Variants in TENM1 observed in about 807,000 individuals in gnomAD.
The protein encoded by TENM1 is teneurin transmembrane protein 1.
Under a neutral mutation model 174.8 loss-of-function variants are expected in TENM1, and 35 were observed. The observed-to-expected ratio is 0.20, with a 90% confidence interval of 0.15 to 0.27. The LOEUF (loss-of-function observed/expected upper bound fraction) is 0.27. Among genes scored for constraint, TENM1 ranks in the 10% least tolerant of loss-of-function variants. The pLI is 1.00. For missense variants in TENM1, 1,633 were observed against 2,130.1 expected (o/e 0.77, Z 4.59); for synonymous variants, 781 against 798.7 (o/e 0.98, Z 0.37).
At chrX:124,660,460 C>T (rs1027781566) in intron 6 of TENM1, among the ~76,000 whole-genome samples, 20 of 110,624 alleles carry the variant, frequency 1.8e-4, no homozygotes, top group African/African-American at 5.9e-4. Flanking sequence ...TGGGAGAAAA[C>T]ATTTGCAAAT....
intron 6 of TENM1, among the ~76,000 whole-genome samples, chrX:124,667,078 T>G (rs191491386): frequency 2.0e-4 from 22 of 112,163 alleles, no homozygotes; most frequent in Non-Finnish European, 3.6e-4. Flanking sequence ...CTATGTGATC[T>G]CAACTTTTCT....
chrX:124,481,014 T>A (rs1219126102), intron 22 of TENM1, among the ~76,000 whole-genome samples: 1 of 111,682 alleles, frequency 9.0e-6, no homozygotes, highest in Non-Finnish European at 1.9e-5. Flanking sequence ...CACAGATTTG[T>A]TCACTAGATT....
At chrX:124,491,610 T>C (rs915404062) in intron 20 of TENM1, among the ~76,000 whole-genome samples, 2 of 110,198 alleles carry the variant, frequency 1.8e-5, no homozygotes, top group African/African-American at 6.8e-5. Flanking sequence ...AGGGGTACTA[T>C]ATACTTAAAT....
chrX:125,013,578 C>A, the TENM1 span, among the ~76,000 whole-genome samples: 1 of 111,595 alleles, frequency 9.0e-6, no homozygotes, highest in Non-Finnish European at 1.9e-5. Flanking sequence ...TCATACTCTT[C>A]TGCCAAAAAA....
chrX:124,605,084 CT>C, intron 11 of TENM1, among the ~76,000 whole-genome samples: 1 of 106,090 alleles, frequency 9.4e-6, no homozygotes, highest in Middle Eastern at 4.7e-3. Flanking sequence ...GCTGCAAGGA[CT>C]ACTGTGAAGT....
chrX:124,895,982 A>C, exon 2 of TENM1: 2 of 1,210,813 alleles, frequency 1.7e-6, no homozygotes, highest in Non-Finnish European at 2.2e-6. Flanking sequence ...GTTTATTACC[A>C]TTTTCCCCAT....
At chrX:125,107,446 C>CT in the TENM1 span, among the ~76,000 whole-genome samples, 2 of 112,089 alleles carry the variant, frequency 1.8e-5, no homozygotes, top group Non-Finnish European at 3.8e-5. Context: ...AACATTTATA[C>CT]TTTTTGACAT....
At chrX:125,164,867 C>T in the TENM1 span, among the ~76,000 whole-genome samples, 1 of 111,655 alleles carries the variant, frequency 9.0e-6, no homozygotes, top group African/African-American at 3.2e-5. Flanking sequence ...ATGTATTGGT[C>T]CTGAGTACGG....
At chrX:124,625,183 A>G (rs771195259) in intron 11 of TENM1, among the ~76,000 whole-genome samples, 1 of 111,318 alleles carries the variant, frequency 9.0e-6, no homozygotes, top group Non-Finnish European at 1.9e-5. Context: ...TTTCCCTTTC[A>G]TTATACTATA....
At chrX:125,200,678 A>AGAGAGAGAGAGAGAGAGAG in the TENM1 span, among the ~76,000 whole-genome samples, 1 of 106,703 alleles carries the variant, frequency 9.4e-6, no homozygotes, top group African/African-American at 3.4e-5. Flanking sequence ...AGAGAGAGAG[A>AGAGAGAGAGAGAGAGAGAG]ACAAATATGA....
intron 11 of TENM1, among the ~76,000 whole-genome samples, chrX:124,585,040 T>C (rs1251535763): frequency 9.1e-6 from 1 of 109,702 alleles, no homozygotes; most frequent in East Asian, 2.8e-4. Context: ...ATAAAGCAAG[T>C]CCTGAGTGAC....
At chrX:125,014,610 GA>G in the TENM1 span, among the ~76,000 whole-genome samples, 8,560 of 110,381 alleles carry the variant, frequency 0.078, 277 homozygotes, top group South Asian at 0.2. Flanking sequence ...CACTGATTTA[GA>G]AAAAAAATAT....
chrX:125,147,451 A>T, the TENM1 span, among the ~76,000 whole-genome samples: 1 of 111,334 alleles, frequency 9.0e-6, no homozygotes, highest in South Asian at 3.7e-4. Context: ...TTCATGTTTT[A>T]CTCAACATTA....
At chrX:124,688,192 TTCCTC>T (rs1205994764) in intron 5 of TENM1, among the ~76,000 whole-genome samples, 9 of 105,527 alleles carry the variant, frequency 8.5e-5, no homozygotes, top group Non-Finnish European at 1.8e-4. Flanking sequence ...TACTTCAAGA[TTCCTC>T]TCCTCTCCTC....
At chrX:124,768,598 C>A (rs760454832) in intron 3 of TENM1, among the ~76,000 whole-genome samples, 242 of 112,247 alleles carry the variant, frequency 2.2e-3, no homozygotes, top group African/African-American at 7.5e-3. Flanking sequence ...AAGATGAAAA[C>A]CCCACAATTT....
chrX:124,466,102 T>TAAAACATAATTAATTA (rs1379935908), intron 22 of TENM1, among the ~76,000 whole-genome samples: 2 of 111,685 alleles, frequency 1.8e-5, no homozygotes, highest in Non-Finnish European at 3.8e-5. Context: ...TATTAATTAA[T>TAAAACATAATTAATTA]ATAATGGCAT....
chrX:125,164,245 C>T, the TENM1 span, among the ~76,000 whole-genome samples: 1 of 111,437 alleles, frequency 9.0e-6, no homozygotes, highest in South Asian at 3.7e-4. Context: ...AACTGCAATA[C>T]CCTTCTAAAT....
At chrX:124,590,378 C>A (rs1026759805) in intron 11 of TENM1, among the ~76,000 whole-genome samples, 3 of 109,720 alleles carry the variant, frequency 2.7e-5, no homozygotes, top group African/African-American at 1.0e-4. Flanking sequence ...CTCCCATTCA[C>A]AATTGCTTCA....
At chrX:124,956,954 T>G (rs907243528) in intron 1 of TENM1, among the ~76,000 whole-genome samples, 1 of 112,240 alleles carries the variant, frequency 8.9e-6, no homozygotes, top group Non-Finnish European at 1.9e-5. Context: ...GATATAAGAA[T>G]AGAGAAATGC....
Sources: allele counts gnomAD v4.1 joint callset (sites outside exome capture counted in the v4.1 genomes callset), GRCh38; gene constraint gnomAD v4.1.1; transcripts MANE v1.5; gene names NCBI Gene and HGNC (gene_info 2026-07-23, HGNC 2026-07-21).